CNTNAP2: variants seen among roughly 807,000 people sequenced by gnomAD.
CNTNAP2 encodes contactin associated protein 2.
Under a neutral mutation model 155.2 loss-of-function variants are expected in CNTNAP2, and 98 were observed. The observed-to-expected ratio is 0.63, with a 90% CI of 0.54 to 0.75. The LOEUF (loss-of-function observed/expected upper bound fraction) is 0.75. Ranked by LOEUF, CNTNAP2 falls within the 30% of genes least tolerant of loss-of-function variation. The probability of loss-of-function intolerance (pLI) is 0.00; values close to 1 mark genes in which losing one functional copy is unlikely to be tolerated. For missense variants in CNTNAP2, 1,727 were observed against 1,688.1 expected, an observed-to-expected ratio of 1.02 and a Z score of -0.40; for synonymous variants, 651 against 631.2, an observed-to-expected ratio of 1.03 and a Z score of -0.47.
chr7:146,305,282 C>T (rs903227307), intron 1 of CNTNAP2, among the ~76,000 whole-genome samples: 23 of 152,278 alleles, frequency 1.5e-4, no homozygotes, highest in African/African-American at 5.5e-4. Flanking sequence ...CTCAACTCGT[C>T]AAAGTCTTTC....
chr7:146,686,090 A>C (rs1800593699), intron 1 of CNTNAP2, among the ~76,000 whole-genome samples: 1 of 152,118 alleles, frequency 6.6e-6, no homozygotes, highest in African/African-American at 2.4e-5. Context: ...TGAGTTCAGG[A>C]GTTTAAGATC....
intron 6 of CNTNAP2, among the ~76,000 whole-genome samples, chr7:147,126,567 G>C (rs1801243213): frequency 6.6e-6 from 1 of 152,136 alleles, no homozygotes; most frequent in African/African-American, 2.4e-5. Flanking sequence ...TCCGCCTCCT[G>C]GGTTCAAGTT....
chr7:146,165,594 G>A (rs1479740166), intron 1 of CNTNAP2, among the ~76,000 whole-genome samples: 4 of 152,110 alleles, frequency 2.6e-5, no homozygotes, highest in Non-Finnish European at 5.9e-5. Context: ...TTTCAGTAAT[G>A]TTTAAATTGC....
chr7:148,019,748 T>C (rs1802245738), intron 15 of CNTNAP2, among the ~76,000 whole-genome samples: 2 of 149,368 alleles, frequency 1.3e-5, no homozygotes, highest in Admixed American at 1.3e-4. Context: ...TGAGCCATCG[T>C]GCCCATTCTC....
At position 146,231,292 on chromosome 7, in the gene CNTNAP2, A is replaced by G. The variant is rs551195292; in HGVS notation, c.97+114319A>G. ...CCCAGTTCAGAAACAAGGTAAAGCT[A>G]TAGTGGTACTCTTGGCCACATCTCC... On this transcript the variant is annotated intron_variant, in intron 1 of 23. Transcript: ENST00000361727. 2.0e-5 allele frequency among the ~76,000 whole-genome samples: 3 copies of G among 152,314 alleles called. No individual in the cohort carries two copies. The South Asian group carries it at 6.2e-4, about 32-fold the overall frequency.
chr7:147,836,216 T>A (rs1290113788), intron 13 of CNTNAP2, among the ~76,000 whole-genome samples: 1 of 152,180 alleles, frequency 6.6e-6, no homozygotes, highest in Non-Finnish European at 1.5e-5. Flanking sequence ...ACTTTGAACT[T>A]TTCAGTTAGG....
intron 3 of CNTNAP2, among the ~76,000 whole-genome samples, chr7:146,846,577 G>A (rs1439729549): frequency 6.6e-6 from 1 of 152,046 alleles, no homozygotes; most frequent in Non-Finnish European, 1.5e-5. Context: ...ATCTACTAGT[G>A]AATTTTGATC....
rs116750554 is a variant in CNTNAP2 at position 146,473,229 on chromosome 7, C to T, written c.98-301042C>T. ...CTCCTTTCAGTTAATGCCCAAGGTG[C>T]CCATAGACAATTCTAGAAGCACAAG... On this transcript the variant is annotated intron_variant, in intron 1 of 23. Coordinates refer to ENST00000361727, the MANE Select transcript of CNTNAP2 (RefSeq NM_014141.6). Among the ~76,000 whole-genome samples the T allele has an allele frequency of 3.5e-3, 538 of 151,984 alleles. 3 individuals are homozygous for T. Among genetic ancestry groups the T allele is most frequent in the African/African-American group, 0.012 (516 of 41,450 alleles).
At chr7:147,516,500 A>G (rs1050093183) in intron 11 of CNTNAP2, among the ~76,000 whole-genome samples, 1 of 152,196 alleles carries the variant, frequency 6.6e-6, no homozygotes, top group Non-Finnish European at 1.5e-5. Context: ...CAGCTTACCT[A>G]AATCTACTTG....
rs551170659 is a variant in CNTNAP2, at chr7:148,068,373, T to C, written c.2384-49745T>C. ...GCTCTTTCTGCTGCTTCTTCTAGTT[T>C]TATATTTCACTGGGCTCTCTAAATT... On this transcript the variant is annotated intron_variant, in intron 15 of 23. Coordinates refer to ENST00000361727, the MANE Select transcript of CNTNAP2 (RefSeq NM_014141.6). 5.3e-5 allele frequency among the ~76,000 whole-genome samples: 8 copies of C among 152,318 alleles called. No individual in the cohort carries two copies. In the South Asian group the frequency reaches 1.2e-3, roughly 24 times the overall value.
chr7:147,590,757 T>A (rs143221365), intron 12 of CNTNAP2, among the ~76,000 whole-genome samples: 6 of 152,166 alleles, frequency 3.9e-5, no homozygotes, highest in Non-Finnish European at 5.9e-5. Flanking sequence ...AAAGGCAGAT[T>A]CAGAGAAGTA....
At chr7:147,285,296 A>G (rs532876354) in intron 8 of CNTNAP2, among the ~76,000 whole-genome samples, 1 of 151,874 alleles carries the variant, frequency 6.6e-6, no homozygotes, top group Non-Finnish European at 1.5e-5. Context: ...CTAACTTAAA[A>G]ACAATTATCT....
chr7:147,664,642 T>A (rs1795667007), intron 13 of CNTNAP2, among the ~76,000 whole-genome samples: 1 of 152,218 alleles, frequency 6.6e-6, no homozygotes, highest in Non-Finnish European at 1.5e-5. Context: ...GTTCCTTTTC[T>A]TCTTTTATTC....
At chr7:146,594,627 G>A (rs751806886) in intron 1 of CNTNAP2, among the ~76,000 whole-genome samples, 1 of 151,978 alleles carries the variant, frequency 6.6e-6, no homozygotes, top group South Asian at 2.1e-4. Context: ...TTTCTTTCAT[G>A]GTGTTAACTG....
At chr7:146,472,247 C>A (rs1486945566) in intron 1 of CNTNAP2, among the ~76,000 whole-genome samples, 1 of 151,994 alleles carries the variant, frequency 6.6e-6, no homozygotes, top group Non-Finnish European at 1.5e-5. Context: ...ATATATGGCT[C>A]GTAAATCAAT....
intron 13 of CNTNAP2, among the ~76,000 whole-genome samples, chr7:147,860,774 G>A (rs140700066): frequency 2.2e-4 from 34 of 152,158 alleles, no homozygotes; most frequent in African/African-American, 7.9e-4. Context: ...CGAGTCTCAG[G>A]TCATTCATGG....
At chr7:146,793,620 G>A (rs1000260408) in intron 2 of CNTNAP2, among the ~76,000 whole-genome samples, 1 of 152,236 alleles carries the variant, frequency 6.6e-6, no homozygotes, top group Non-Finnish European at 1.5e-5. Context: ...AGGCAAGAAT[G>A]CGATAGCTGT....
intron 1 of CNTNAP2, among the ~76,000 whole-genome samples, chr7:146,400,934 T>A (rs1584907746): frequency 6.6e-6 from 1 of 152,186 alleles, no homozygotes; most frequent in Non-Finnish European, 1.5e-5. Flanking sequence ...ACTGAGAATC[T>A]TTTTTGGAAC....
chr7:147,915,672 G>T (rs909931393), intron 14 of CNTNAP2, among the ~76,000 whole-genome samples: 2 of 146,326 alleles, frequency 1.4e-5, no homozygotes, highest in Admixed American at 1.4e-4. Flanking sequence ...ATTAAGTTAA[G>T]CTTTGTTCAT....
Sources: allele counts gnomAD v4.1 joint callset (sites outside exome capture counted in the v4.1 genomes callset), GRCh38; gene constraint gnomAD v4.1.1; transcripts MANE v1.5; gene names NCBI Gene and HGNC (gene_info 2026-07-23, HGNC 2026-07-21).